TBC1D2: variants seen among roughly 807,000 people sequenced by gnomAD.
TBC1D2 encodes TBC1 domain family member 2A.
A neutral mutation model predicts 91.1 loss-of-function variants in TBC1D2; 58 were observed. The ratio of observed to expected loss-of-function variants is 0.64; its 90% CI spans 0.52 to 0.79. TBC1D2 has a LOEUF of 0.79. Among genes scored for constraint, TBC1D2 ranks in the 30% least tolerant of loss-of-function variants. TBC1D2 has a pLI of 0.00. For missense variants in TBC1D2, 1,080 were observed against 1,208.3 expected (o/e 0.89, Z 1.57); for synonymous variants, 482 against 511.5 (o/e 0.94, Z 0.78).
chr9:98,239,761 A>ATATT (rs369673576), intron 3 of TBC1D2, among the ~76,000 whole-genome samples: 2,615 of 152,184 alleles, frequency 0.017, 72 homozygotes, highest in African/African-American at 0.06. Context: ...TTTTCTTTAA[A>ATATT]TATTTGGTGG....
chr9:98,223,819 T>C (rs540009504), intron 5 of TBC1D2, among the ~76,000 whole-genome samples: 1 of 152,158 alleles, frequency 6.6e-6, no homozygotes, highest in Non-Finnish European at 1.5e-5. Flanking sequence ...GGAGCCTCAG[T>C]AGGACTTGTA....
intron 2 of TBC1D2, among the ~76,000 whole-genome samples, chr9:98,246,135 G>C (rs1030087410): frequency 6.6e-6 from 1 of 152,312 alleles, no homozygotes; most frequent in Non-Finnish European, 1.5e-5. Context: ...TTAGAAAAAG[G>C]AGAAAAGAGC....
intron 2 of TBC1D2, among the ~76,000 whole-genome samples, chr9:98,246,259 C>T (rs4743193): frequency 0.62 from 93,406 of 151,870 alleles, 30,715 homozygotes; most frequent in African/African-American, 0.87. Flanking sequence ...CATTTAGGAG[C>T]GGAGATTTGT....
Position 98,240,368 on chromosome 9 carries a change from G to A in TBC1D2, c.647+3626C>T, listed in dbSNP as rs149747288. ...TAATTACTATGGTGTCCTGTTATAA[G>A]GAGAGCCCCTGGCTCCTTGGCCTAG... On this transcript the variant is annotated intron_variant, in intron 3 of 12. Coordinates refer to ENST00000465784, the MANE Select transcript of TBC1D2 (RefSeq NM_001267571.2). 4.1e-4 allele frequency among the ~76,000 whole-genome samples: 62 copies of A among 152,282 alleles called. No individual in the cohort carries two copies. In the East Asian group the frequency reaches 6.6e-3, roughly 16 times the overall value.
chr9:98,253,064 G>T (rs777288607), intron 1 of TBC1D2, among the ~76,000 whole-genome samples: 1 of 152,130 alleles, frequency 6.6e-6, no homozygotes, highest in Non-Finnish European at 1.5e-5. Context: ...AGCTCCAGCC[G>T]AACCCAAATA....
intron 3 of TBC1D2, 137 bp downstream of exon 3, chr9:98,243,857 A>G (rs760816007): frequency 4.9e-6 from 6 of 1,221,898 alleles, no homozygotes; most frequent in Non-Finnish European, 6.8e-6. Flanking sequence ...TTTTAAAGTG[A>G]TGATGTGATT....
chr9:98,232,342 G>GTTTTTTTTTTTCTTTT (rs753455224), intron 4 of TBC1D2, among the ~76,000 whole-genome samples: 1 of 86,774 alleles, frequency 1.2e-5, no homozygotes, highest in Admixed American at 1.2e-4. Context: ...CTCTTTTTCT[G>GTTTTTTTTTTTCTTTT]TTTTTTTTTT....
In TBC1D2 at chr9:98,244,144, A is replaced by C; in HGVS notation, c.512-15T>G. 1 of 1,612,550 alleles carries C rather than the reference A, an allele frequency of 6.2e-7. No individual in the cohort carries two copies. The highest frequency in any genetic ancestry group is 8.5e-7 in the Non-Finnish European group (1 of 1,179,324). On this transcript the variant is annotated splice_polypyrimidine_tract_variant and intron_variant, in intron 2 of 12. Transcript: ENST00000465784. ...CTCTTCTTGCCCTGGGAACAAAGAA[A>C]AGGGAAATCCATCAGCTGGGTCACT...
rs564359136 is a variant in TBC1D2 at position 98,222,290 on chromosome 9, T to A, written c.979-1062A>T. On this transcript the variant is annotated intron_variant, in intron 5 of 12. Transcript: ENST00000465784. ...GCCTACCCTAGTTGAGGCCTCAGAA[T>A]CATTCTCAATATAGCAGCCAGTCAC... Among the ~76,000 whole-genome samples the A allele has an allele frequency of 2.0e-5, 3 of 152,286 alleles. No individual in the cohort carries two copies. In the East Asian group the frequency reaches 5.8e-4, roughly 29 times the overall value.
Position 98,221,038 on chromosome 9 carries a change from G to C in TBC1D2, c.1169C>G (p.Ala390Gly). ...CTGCACCTGCTGCTCCCGCAGGCTCGCTGTGTGCGCCAGGCTCTCCCGCTC... is the reference window on the plus strand; with the variant it reads ...CTGCACCTGCTGCTCCCGCAGGCTCCCTGTGTGCGCCAGGCTCTCCCGCTC... ...EQERESLAHT[A>G]SLREQQVQEL... The change falls in exon 6 of 13, where the codon GCG (alanine) becomes GGG (glycine). Residue 390 changes from alanine (A) to glycine (G), a missense_variant. Transcript: ENST00000465784. 1 of 1,613,478 alleles carries C rather than the reference G, an allele frequency of 6.2e-7. No homozygotes were observed.
chr9:98,242,803 C>CTTTTTT lies in TBC1D2; in HGVS notation c.647+1185_647+1190dup, dbSNP rs36035887. ...TCCAAAGCCCAGGCCACACTGCTGCCTTTTTTTTTTTTTTTTTTTTTTTTT... is the reference window on the plus strand; with the variant it reads ...TCCAAAGCCCAGGCCACACTGCTGCCTTTTTTTTTTTTTTTTTTTTTTTTTTTTTTT... On this transcript the variant is annotated intron_variant, in intron 3 of 12. Transcript: ENST00000465784. Among the ~76,000 whole-genome samples the CTTTTTT allele has an allele frequency of 3.8e-3, 317 of 83,166 alleles. 57 individuals carry two copies. The highest frequency in any genetic ancestry group is 0.015 in the African/African-American group (293 of 19,046). The allele number at this position is 83,166 out of a possible 152,430, so 54.6% of individuals were successfully genotyped here.
In TBC1D2 at chr9:98,199,559, A is replaced by C; in HGVS notation, c.2609T>G (p.Met870Arg). 1 of 1,614,038 alleles carries C rather than the reference A, an allele frequency of 6.2e-7. No homozygotes were observed. Among genetic ancestry groups the C allele is most frequent in the African/African-American group, 1.3e-5 (1 of 75,016 alleles). The change falls in exon 13 of 13, where the codon ATG (methionine) becomes AGG (arginine). Residue 870 changes from methionine to arginine, a missense_variant. Coordinates refer to ENST00000465784, the MANE Select transcript of TBC1D2 (RefSeq NM_001267571.2). ...CAGCTGTTTCATGCGGAAGGGGTTC[A>C]TGTCATTGAAGGCGATGTTCATCAG... ...RKLMNIAFND[M>R]NPFRMKQLRQ...
chr9:98,209,349 A>G (rs1828751878), intron 8 of TBC1D2, among the ~76,000 whole-genome samples: 2 of 152,128 alleles, frequency 1.3e-5, no homozygotes, highest in Non-Finnish European at 2.9e-5. Flanking sequence ...TCTGCCTCCT[A>G]AAGACCCAAC....
chr9:98,242,069 A>G (rs1305255212), intron 3 of TBC1D2, among the ~76,000 whole-genome samples: 1 of 152,208 alleles, frequency 6.6e-6, no homozygotes, highest in Non-Finnish European at 1.5e-5. Context: ...ACACAGAACC[A>G]GGGGTCCCTT....
chr9:98,226,304 G>A (rs1564247848), intron 5 of TBC1D2, among the ~76,000 whole-genome samples: 1 of 152,258 alleles, frequency 6.6e-6, no homozygotes, highest in South Asian at 2.1e-4. Context: ...CTCACTTCCC[G>A]CCTCGTCTCT....
Position 98,221,172 on chromosome 9 carries a change from C to A in TBC1D2, c.1035G>T (p.Ala345=). The A allele has an allele frequency of 6.4e-7, 1 of 1,562,782 alleles. No homozygotes were observed. The highest frequency in any genetic ancestry group is 1.2e-5 in the South Asian group (1 of 85,588). Residue 345 remains alanine, a synonymous_variant, in exon 6 of 13, where the codon GCG becomes GCT. Transcript: ENST00000465784. Reference sequence around the variant, plus strand: ...CAGCCGCCGCCAGGTATGCGCTGGACGCCCGCTTCTCCTGCTGGGCGGCCT... The same window carrying A: ...CAGCCGCCGCCAGGTATGCGCTGGAAGCCCGCTTCTCCTGCTGGGCGGCCT... ...ALEAAQQEKR[A]SSAYLAAAED...
At chr9:98,202,730 T>C (rs1828540776) in intron 10 of TBC1D2, among the ~76,000 whole-genome samples, 2 of 152,350 alleles carry the variant, frequency 1.3e-5, no homozygotes, top group South Asian at 4.1e-4. Flanking sequence ...CTCTATCGTT[T>C]TGAATGTGGG....
In TBC1D2 at chr9:98,228,525, T is replaced by C. The variant is rs1829287785; in HGVS notation, c.978+427A>G. On this transcript the variant is annotated intron_variant, in intron 5 of 12. Transcript: ENST00000465784. This position sits in a 1 kb window ranked among gnomAD's most constrained non-coding sequence, Gnocchi z 4.0. ...CACATGCTGCTTGTTTGCTTTCTCC[T>C]GTGACAGTCTTGTGACGGTCATTCA... Among the ~76,000 whole-genome samples the C allele has an allele frequency of 6.6e-6, 1 of 152,248 alleles. No individual in the cohort carries two copies. Among genetic ancestry groups the C allele is most frequent in the Non-Finnish European group, 1.5e-5 (1 of 68,050 alleles).
intron 4 of TBC1D2, 140 bp downstream of exon 4, chr9:98,233,276 T>C (rs1829416326): frequency 2.6e-6 from 3 of 1,173,044 alleles, no homozygotes; most frequent in Non-Finnish European, 3.5e-6. Flanking sequence ...ACGCAGTCTA[T>C]GGTGTTTCAG....
Sources: gnomAD v4.1 joint callset for allele counts (sites outside exome capture counted in the v4.1 genomes callset) on GRCh38, gnomAD v4.1.1 for gene constraint, Gnocchi (gnomAD v3.1) non-coding constraint, MANE v1.5 for transcripts, NCBI Gene and HGNC (gene_info 2026-07-23, HGNC 2026-07-21) for gene names.